TEX9: variants seen among roughly 807,000 people sequenced by gnomAD.
The protein encoded by TEX9 is testis-expressed protein 9.
A neutral mutation model predicts 59.6 loss-of-function variants in TEX9; 74 were observed. That is an observed-to-expected ratio of 1.24 (90% CI 1.03 to 1.51). The LOEUF (loss-of-function observed/expected upper bound fraction) is 1.51. Among genes scored for constraint, TEX9 ranks in the 40% most tolerant of loss-of-function variants. The pLI is 0.00. For missense variants in TEX9, 522 were observed against 447.8 expected, an observed-to-expected ratio of 1.17 and a Z score of -1.49; for synonymous variants, 186 against 152.2, an observed-to-expected ratio of 1.22 and a Z score of -1.64.
intron 1 of TEX9, among the ~76,000 whole-genome samples, chr15:56,309,539 G>A (rs1429192369): frequency 6.6e-6 from 1 of 151,886 alleles, no homozygotes; most frequent in Non-Finnish European, 1.5e-5. Flanking sequence ...TGAAATCTTT[G>A]TCTGGTTTTG....
In TEX9 at chr15:56,259,749, C is replaced by A. The variant is rs2465407; in HGVS notation, c.-107+15471C>A. Reference sequence around the variant, plus strand: ...GCATTTCCATATAACTTTTTGAAATCTCTAATACATTTCCACAAAAATTCT... The same window carrying A: ...GCATTTCCATATAACTTTTTGAAATATCTAATACATTTCCACAAAAATTCT... On this transcript the variant is annotated intron_variant, in intron 1 of 5. Coordinates refer to the TEX9 transcript ENST00000560827. 2.0e-5 allele frequency among the ~76,000 whole-genome samples: 3 copies of A among 151,978 alleles called. No individual in the cohort carries two copies. The East Asian group carries it at 5.8e-4, about 29-fold the overall frequency.
At chr15:56,322,071 A>G (rs1031992310) in intron 1 of TEX9, among the ~76,000 whole-genome samples, 1 of 152,092 alleles carries the variant, frequency 6.6e-6, no homozygotes, top group Admixed American at 6.6e-5. Flanking sequence ...AAATTTTACT[A>G]TATGTAAATT....
exon 6 of TEX9, chr15:56,389,366 C>T (rs1369443554): frequency 3.7e-6 from 6 of 1,610,868 alleles, no homozygotes; most frequent in African/African-American, 1.3e-5. Flanking sequence ...AAACAAATTA[C>T]ACTCTGCAAA....
At chr15:56,359,521 G>T (rs1452994003) in intron 1 of TEX9, among the ~76,000 whole-genome samples, 1 of 152,118 alleles carries the variant, frequency 6.6e-6, no homozygotes, top group Non-Finnish European at 1.5e-5. Context: ...CATTCATGTA[G>T]TAGCATGTCT....
chr15:56,413,962 G>C (rs1279312249), intron 10 of TEX9, among the ~76,000 whole-genome samples: 21 of 151,706 alleles, frequency 1.4e-4, no homozygotes, highest in African/African-American at 4.9e-4. Context: ...CATCAATGAT[G>C]GCATAACTGG....
intron 1 of TEX9, among the ~76,000 whole-genome samples, chr15:56,272,535 A>G (rs1269243148): frequency 7.2e-5 from 11 of 152,150 alleles, no homozygotes; most frequent in Non-Finnish European, 1.6e-4. Context: ...GGTTGTTTTC[A>G]CTTTCTGGCT....
intron 1 of TEX9, among the ~76,000 whole-genome samples, chr15:56,344,509 G>A (rs756389258): frequency 1.1e-4 from 16 of 152,148 alleles, no homozygotes; most frequent in Non-Finnish European, 2.2e-4. Flanking sequence ...AGCTAGGTGG[G>A]TGGAGGGAAA....
intron 1 of TEX9, among the ~76,000 whole-genome samples, chr15:56,255,092 A>G (rs1280697463): frequency 6.6e-6 from 1 of 152,152 alleles, no homozygotes; most frequent in Non-Finnish European, 1.5e-5. Flanking sequence ...AATCTAGATT[A>G]GACGTTGGCA....
At chr15:56,311,844 T>C (rs1405795220) in intron 1 of TEX9, among the ~76,000 whole-genome samples, 64 of 144,178 alleles carry the variant, frequency 4.4e-4, no homozygotes, top group African/African-American at 1.5e-3. Flanking sequence ...TTCTAACTGG[T>C]GTGAGATGGT....
At chr15:56,403,078 A>G (rs2048880568) in intron 9 of TEX9, among the ~76,000 whole-genome samples, 1 of 152,216 alleles carries the variant, frequency 6.6e-6, no homozygotes, top group Non-Finnish European at 1.5e-5. Context: ...CTGGCACAAG[A>G]GAAGGATGCC....
At chr15:56,394,694 A>G (rs1370167899) in exon 9 of TEX9, 1 of 1,606,756 alleles carries the variant, frequency 6.2e-7, no homozygotes, top group African/African-American at 1.3e-5. Flanking sequence ...GTCTCAAGTA[A>G]AAAATTTTGA....
chr15:56,363,352 T>C (rs2046826803), upstream of TEX9, among the ~76,000 whole-genome samples: 2 of 151,626 alleles, frequency 1.3e-5, no homozygotes, highest in South Asian at 4.2e-4. Context: ...GCAACTTCTA[T>C]CTCCCAGCAT....
intron 3 of TEX9, among the ~76,000 whole-genome samples, chr15:56,380,776 A>G (rs2047690036): frequency 6.6e-6 from 1 of 152,150 alleles, no homozygotes; most frequent in African/African-American, 2.4e-5. Context: ...TCCACGGAGA[A>G]GTCTGCTGCT....
intron 10 of TEX9, among the ~76,000 whole-genome samples, chr15:56,420,805 A>G (rs191911312): frequency 7.9e-5 from 12 of 151,956 alleles, no homozygotes; most frequent in African/African-American, 2.2e-4. Context: ...CCTCTGAGCC[A>G]TGACAAACTT....
downstream of TEX9, chr15:56,445,888 G>C (rs2050897672): frequency 6.6e-6 from 1 of 152,028 alleles, no homozygotes; most frequent in Non-Finnish European, 1.5e-5. Context: ...ACAGGACATT[G>C]TTTGTGCTAC....
intron 1 of TEX9, among the ~76,000 whole-genome samples, chr15:56,345,095 A>G (rs1221193100): frequency 1.4e-5 from 2 of 147,054 alleles, no homozygotes; most frequent in East Asian, 3.9e-4. Flanking sequence ...ATATATGTAT[A>G]TATAATTTGA....
In TEX9 at chr15:56,311,126, TTTTTTTTTTTTAATTTC is replaced by T. The variant is rs1207712522; in HGVS notation, c.-106-62299_-106-62283del. On this transcript the variant is annotated intron_variant, in intron 1 of 5. Coordinates refer to the TEX9 transcript ENST00000560827. ...TTCTCCCTTGGTGACTCCTTATTTC[TTTTTTTTTTTTAATTTC>T]TTTTTTTTTTTAATTATACTTTAAG... Among the ~76,000 whole-genome samples, 46 of 26,086 alleles carry T rather than the reference TTTTTTTTTTTTAATTTC, an allele frequency of 1.8e-3. No homozygotes were observed. The East Asian group carries it at 0.056, about 32-fold the overall frequency. The allele number at this position is 26,086 out of a possible 152,430, so 17.1% of individuals were successfully genotyped here.
rs191692936 is a variant in TEX9 at position 56,273,634 on chromosome 15, G to A, written c.-107+29356G>A. ...TCTGATTCTTTCTGAAGAAATTTCT[G>A]TAATACTTCTGTTTATTTTTGTCTG... On this transcript the variant is annotated intron_variant, in intron 1 of 5. Transcript: ENST00000560827. Among the ~76,000 whole-genome samples the A allele has an allele frequency of 3.3e-5, 5 of 152,238 alleles. No individual in the cohort carries two copies. In the East Asian group the frequency reaches 9.6e-4, roughly 29 times the overall value.
At chr15:56,255,651 A>G (rs2044129208) in intron 1 of TEX9, among the ~76,000 whole-genome samples, 1 of 152,124 alleles carries the variant, frequency 6.6e-6, no homozygotes, top group South Asian at 2.1e-4. Flanking sequence ...TTAGTGAAAA[A>G]TAGAATTCTG....
Sources: allele counts gnomAD v4.1 joint callset (sites outside exome capture counted in the v4.1 genomes callset), GRCh38; gene constraint gnomAD v4.1.1; transcripts MANE v1.5; gene names NCBI Gene and HGNC (gene_info 2026-07-23, HGNC 2026-07-21).